PSMG4: variants seen among roughly 807,000 people sequenced by gnomAD.
PSMG4 encodes the protein proteasome (prosome, macropain) assembly chaperone 4.
A neutral mutation model predicts 11.0 loss-of-function variants in PSMG4; 10 were observed. That is an observed-to-expected ratio of 0.91 (90% confidence interval 0.56 to 1.54). The LOEUF is 1.54. Among genes scored for constraint, PSMG4 ranks in the 40% most tolerant of loss-of-function variants. The pLI is 0.00. For synonymous variants in PSMG4, 95 were observed against 71.3 expected (o/e 1.33, Z -1.68); for missense variants, 198 against 160.9 (o/e 1.23, Z -1.25).
At chr6:3,256,363 C>T (rs946467373), upstream of PSMG4, among the ~76,000 whole-genome samples, 3 of 152,170 alleles carry the variant, frequency 2.0e-5, no homozygotes, top group East Asian at 1.9e-4. Flanking sequence ...GCGAGGACTC[C>T]CTTTATTTTC....
chr6:3,258,545 A>G (rs997024445), upstream of PSMG4, among the ~76,000 whole-genome samples: 2 of 152,314 alleles, frequency 1.3e-5, no homozygotes, highest in Middle Eastern at 3.4e-3. Context: ...ATTAAAAATC[A>G]GTCTTTTTAA....
upstream of PSMG4, among the ~76,000 whole-genome samples, chr6:3,254,478 T>C (rs1441295340): frequency 1.2e-4 from 19 of 152,070 alleles, no homozygotes; most frequent in Non-Finnish European, 1.6e-4. Flanking sequence ...TTTAGATAAA[T>C]ATTGTTGCTG....
chr6:3,254,797 C>T (rs182628690), upstream of PSMG4, among the ~76,000 whole-genome samples: 136 of 152,256 alleles, frequency 8.9e-4, 3 homozygotes, highest in East Asian at 0.022. Context: ...TGCTTGGGGT[C>T]AGAGCAACAA....
At position 3,259,149 on chromosome 6, in the gene PSMG4, G is replaced by T; in HGVS notation, c.127G>T (p.Ala43Ser). Residue 43 changes from alanine (A) to serine (S), a missense_variant, in exon 1 of 3, where the codon GCC (alanine) becomes TCC (serine). By Grantham distance (99) the Ala-to-Ser change is moderately conservative (BLOSUM62 1). Transcript: ENST00000438998. ...LTDSLFLWVG[A>S]TPHLRNLAVA... is the part of the protein sequence containing the mutation. ...GGACTCGCTGTTCCTGTGGGTGGGG[G>T]CCACGCCGCACCTGCGCAACCTCGC... 7.7e-7 allele frequency: 1 copy of T among 1,305,070 alleles called. No individual in the cohort carries two copies. Among genetic ancestry groups the T allele is most frequent in the Non-Finnish European group, 9.7e-7 (1 of 1,026,810 alleles). 80.8% of individuals were successfully genotyped at this position (1,305,070 alleles called of 1,614,324 possible).
chr6:3,263,257 C>T (rs4317455), intron 1 of PSMG4, among the ~76,000 whole-genome samples: 104,024 of 152,224 alleles, frequency 0.68, 38,547 homozygotes, highest in Non-Finnish European at 0.83. Context: ...GATTAGGCAT[C>T]CTGCCTCTGA....
chr6:3,255,015 C>A, upstream of PSMG4: 1 of 1,544,696 alleles, frequency 6.5e-7, no homozygotes, highest in Middle Eastern at 1.7e-4. Context: ...CATGTGGGAG[C>A]GCTGGGATAA....
At chr6:3,260,678 T>C (rs1328996153) in intron 1 of PSMG4, among the ~76,000 whole-genome samples, 1 of 152,220 alleles carries the variant, frequency 6.6e-6, no homozygotes, top group Non-Finnish European at 1.5e-5. Flanking sequence ...AGACCCTGTT[T>C]ACAAACAAGG....
At chr6:3,256,886 A>T (rs1757783776), upstream of PSMG4, among the ~76,000 whole-genome samples, 1 of 152,104 alleles carries the variant, frequency 6.6e-6, no homozygotes, top group African/African-American at 2.4e-5. Context: ...AGCAGTTGGG[A>T]CAAGTTTTTT....
At position 3,259,198 on chromosome 6, in the gene PSMG4, T is replaced by A. The variant is rs1757870595; in HGVS notation, c.174+2T>A. 21 of 1,297,674 alleles carry A rather than the reference T, an allele frequency of 1.6e-5. No homozygotes were observed. Among genetic ancestry groups the A allele is most frequent in the Non-Finnish European group, 1.9e-5 (19 of 1,024,212 alleles). The allele number at this position is 1,297,674 out of a possible 1,614,324, so 80.4% of individuals were successfully genotyped here. ...GCCGTGGCCATGTGCAGCCGCTACGTGAGTGCCTGGCGGCCGAGGGTGCGG... is the reference window on the plus strand; with the variant it reads ...GCCGTGGCCATGTGCAGCCGCTACGAGAGTGCCTGGCGGCCGAGGGTGCGG... On this transcript the variant is annotated splice_donor_variant, in intron 1 of 2. Transcript: ENST00000438998. LOFTEE classifies it high-confidence loss of function.
upstream of PSMG4, among the ~76,000 whole-genome samples, chr6:3,255,644 G>C (rs1757737132): frequency 6.6e-6 from 1 of 152,180 alleles, no homozygotes; most frequent in African/African-American, 2.4e-5. Context: ...TGCGCCCACA[G>C]ACAAACGAGT....
At chr6:3,255,281 C>CT (rs1391653005), upstream of PSMG4, 6 of 1,536,098 alleles carry the variant, frequency 3.9e-6, no homozygotes, top group African/African-American at 5.5e-5. Context: ...TCTTACGGGT[C>CT]TATCGGTGCC....
chr6:3,255,135 C>T (rs1039971887), upstream of PSMG4: 17 of 1,550,902 alleles, frequency 1.1e-5, no homozygotes, highest in Non-Finnish European at 1.3e-5. Context: ...ACGTATTGGT[C>T]ATTCTCTTTG....
chr6:3,254,969 G>A (rs1757699911), upstream of PSMG4: 2 of 1,444,884 alleles, frequency 1.4e-6, no homozygotes, highest in Non-Finnish European at 1.9e-6. Flanking sequence ...CAGAGCATGT[G>A]ATGTGGCTGT....
chr6:3,257,834 A>G (rs1035359898), upstream of PSMG4, among the ~76,000 whole-genome samples: 7 of 152,236 alleles, frequency 4.6e-5, no homozygotes, highest in Non-Finnish European at 1.0e-4. Flanking sequence ...TTCAATTTGT[A>G]CACTATATAT....
intron 1 of PSMG4, among the ~76,000 whole-genome samples, chr6:3,259,849 C>T (rs1053332477): frequency 2.0e-5 from 3 of 152,214 alleles, no homozygotes; most frequent in South Asian, 4.1e-4. Context: ...TCCCGCCTTT[C>T]CGGCTTTGCG....
At chr6:3,260,291 ATTTT>A (rs869076629) in intron 1 of PSMG4, among the ~76,000 whole-genome samples, 3 of 70,840 alleles carry the variant, frequency 4.2e-5, no homozygotes, top group Admixed American at 4.2e-4. Context: ...ATATATATAT[ATTTT>A]TTTTTTTTTT....
intron 2 of PSMG4, chr6:3,263,962 G>A: frequency 7.3e-7 from 1 of 1,368,186 alleles, no homozygotes; most frequent in South Asian, 1.5e-5. Context: ...ACCGTCCCAG[G>A]GCTGGCCTGT....
chr6:3,256,049 T>G (rs1757751153), upstream of PSMG4, among the ~76,000 whole-genome samples: 1 of 152,212 alleles, frequency 6.6e-6, no homozygotes, highest in African/African-American at 2.4e-5. Context: ...CTTCCAGGAC[T>G]TGACTGAATT....
At chr6:3,262,580 C>G (rs1561842354) in intron 1 of PSMG4, among the ~76,000 whole-genome samples, 2 of 142,426 alleles carry the variant, frequency 1.4e-5, no homozygotes, top group Non-Finnish European at 3.1e-5. Context: ...GTGGTCTCTG[C>G]CCTGCCATAC....
Sources: gnomAD v4.1 joint callset for allele counts (sites outside exome capture counted in the v4.1 genomes callset) on GRCh38, gnomAD v4.1.1 for gene constraint, MANE v1.5 for transcripts, NCBI Gene and HGNC (gene_info 2026-07-23, HGNC 2026-07-21) for gene names.